Variants in KAZN observed in about 807,000 individuals in gnomAD.
KAZN encodes the protein kazrin.
Under a neutral mutation model 87.4 loss-of-function variants are expected in KAZN, and 40 were observed. The ratio of observed to expected loss-of-function variants is 0.46; its 90% confidence interval spans 0.36 to 0.60. The LOEUF (loss-of-function observed/expected upper bound fraction) is 0.60, where lower values mean the gene tolerates loss of function less well. Ranked by LOEUF, KAZN falls within the 20% of genes least tolerant of loss-of-function variation. The pLI is 0.00. For synonymous variants in KAZN, 466 were observed against 458.3 expected (o/e 1.02, Z -0.22); for missense variants, 898 against 1,073.9 (o/e 0.84, Z 2.29).
chr1:15,088,001 G>A lies in KAZN; in HGVS notation c.1223-6179G>A, dbSNP rs188123798. On this transcript the variant is annotated intron_variant, in intron 8 of 14. Transcript: ENST00000376030. The stretch of plus-strand genomic sequence containing the variant: ...TGAGATCTTTTGGTTGATAAGCCAC[G>A]GAGCTGGGATTCAAACCCAGGGCTC... Among the ~76,000 whole-genome samples the A allele has an allele frequency of 2.8e-3, 421 of 152,328 alleles. 6 individuals carry two copies. The highest frequency in any genetic ancestry group is 3.2e-3 in the Non-Finnish European group (220 of 68,038).
intron 1 of KAZN, among the ~76,000 whole-genome samples, chr1:14,169,726 T>C (rs1001952474): frequency 6.6e-6 from 1 of 152,180 alleles, no homozygotes; most frequent in Admixed American, 6.5e-5. Flanking sequence ...TAGCTGGGTG[T>C]CATCACTGAG....
At chr1:14,677,838 G>A (rs1640324292) in intron 1 of KAZN, among the ~76,000 whole-genome samples, 1 of 152,214 alleles carries the variant, frequency 6.6e-6, no homozygotes, top group Non-Finnish European at 1.5e-5. Context: ...AACTGTCAAT[G>A]GGGTATGCAG....
intron 2 of KAZN, among the ~76,000 whole-genome samples, chr1:14,186,698 T>C (rs1348577643): frequency 1.3e-5 from 2 of 152,102 alleles, no homozygotes; most frequent in African/African-American, 4.8e-5. Flanking sequence ...TGCAGACTGG[T>C]ATTATTACCA....
At chr1:14,904,950 A>G (rs747316137) in intron 1 of KAZN, among the ~76,000 whole-genome samples, 2 of 152,094 alleles carry the variant, frequency 1.3e-5, no homozygotes, top group Non-Finnish European at 2.9e-5. Flanking sequence ...TTTAGTAGAG[A>G]TGGGGTTTCA....
At chr1:14,050,208 G>T (rs1444186672) in intron 1 of KAZN, among the ~76,000 whole-genome samples, 8 of 151,934 alleles carry the variant, frequency 5.3e-5, no homozygotes, top group African/African-American at 1.9e-4. Context: ...GTGCACATGT[G>T]TGGGCATGCA....
At chr1:14,186,023 G>A (rs978461877) in intron 2 of KAZN, among the ~76,000 whole-genome samples, 3 of 152,156 alleles carry the variant, frequency 2.0e-5, no homozygotes, top group Non-Finnish European at 4.4e-5. Context: ...CCTCTTACTT[G>A]GGGTGAGTGA....
At chr1:14,753,612 A>C (rs1302850532) in intron 1 of KAZN, among the ~76,000 whole-genome samples, 2 of 152,218 alleles carry the variant, frequency 1.3e-5, no homozygotes, top group African/African-American at 4.8e-5. Context: ...AATAAAACAC[A>C]GGAGAAAAAT....
intron 2 of KAZN, among the ~76,000 whole-genome samples, chr1:14,296,349 G>T (rs1487612667): frequency 6.6e-6 from 1 of 152,118 alleles, no homozygotes; most frequent in Non-Finnish European, 1.5e-5. Context: ...AAGAGATTAG[G>T]CTTCTGCATC....
chr1:15,049,093 G>A lies in KAZN; in HGVS notation c.726+4934G>A, dbSNP rs189954162. ...GCGATCCTGTACTCCATGGGGTGAC[G>A]GCTTTGCCGGGAGGCTTTTGACGGG... On this transcript the variant is annotated intron_variant, in intron 4 of 14. Transcript: ENST00000376030. Among the ~76,000 whole-genome samples the A allele has an allele frequency of 3.4e-3, 433 of 128,596 alleles. 3 individuals carry two copies. In the East Asian group the frequency reaches 0.077, roughly 23 times the overall value. 84.4% of individuals were successfully genotyped at this position (128,596 alleles called of 152,430 possible).
upstream of KAZN, among the ~76,000 whole-genome samples, chr1:14,597,593 T>C (rs1386177383): frequency 6.6e-6 from 1 of 152,184 alleles, no homozygotes; most frequent in Non-Finnish European, 1.5e-5. Flanking sequence ...CAGTTTTTGC[T>C]TGGTTCTTAT....
chr1:14,131,699 A>C (rs1644995748), intron 1 of KAZN, among the ~76,000 whole-genome samples: 1 of 152,082 alleles, frequency 6.6e-6, no homozygotes, highest in Non-Finnish European at 1.5e-5. Flanking sequence ...ATTGAGCTAA[A>C]AGAGGAATTT....
chr1:15,069,957 A>G (rs775409259), intron 8 of KAZN, among the ~76,000 whole-genome samples: 28 of 152,376 alleles, frequency 1.8e-4, no homozygotes, highest in Admixed American at 7.8e-4. Flanking sequence ...ACCACAGGCC[A>G]GGGTCCATGC....
intron 2 of KAZN, among the ~76,000 whole-genome samples, chr1:14,198,935 G>A (rs1646583531): frequency 6.6e-6 from 1 of 152,130 alleles, no homozygotes; most frequent in African/African-American, 2.4e-5. Context: ...TCTGGCTTCA[G>A]AGCCCAGGCT....
intron 1 of KAZN, among the ~76,000 whole-genome samples, chr1:14,019,238 G>A (rs1570540769): frequency 6.6e-6 from 1 of 152,056 alleles, no homozygotes; most frequent in African/African-American, 2.4e-5. Flanking sequence ...TTTATTAACT[G>A]CCATGTTCCT....
At chr1:14,901,797 A>G (rs1309470754) in intron 1 of KAZN, among the ~76,000 whole-genome samples, 1 of 152,198 alleles carries the variant, frequency 6.6e-6, no homozygotes, top group African/African-American at 2.4e-5. Context: ...CTGCCCCCAC[A>G]GCTGCCTCTC....
At chr1:14,879,871 T>G (rs1318585566) in intron 1 of KAZN, among the ~76,000 whole-genome samples, 2 of 152,138 alleles carry the variant, frequency 1.3e-5, no homozygotes, top group Non-Finnish European at 2.9e-5. Context: ...TTAAGTACAT[T>G]TTGTGCATTA....
At position 15,066,666 on chromosome 1, in the gene KAZN, A is replaced by C; in HGVS notation, c.1222+913A>C. On this transcript the variant is annotated intron_variant, in intron 8 of 14. Transcript: ENST00000376030. This position sits in a 1 kb window ranked among gnomAD's most constrained non-coding sequence, Gnocchi z 4.3. ...TAAATATTGGAATGTCTATTTTTCC[A>C]TGGGGTGGGCGGGAGGTGGGTGTCT... 1.3e-6 allele frequency: 1 copy of C among 771,262 alleles called. No individual in the cohort carries two copies. The highest frequency in any genetic ancestry group is 1.6e-6 in the Non-Finnish European group (1 of 633,886). The allele number at this position is 771,262 out of a possible 1,614,324, so 47.8% of individuals were successfully genotyped here. A position where few individuals can be genotyped will look rare whatever the true frequency, so the allele number is the denominator to read the frequency against.
rs558240539 is a variant in KAZN, at chr1:14,499,862, T to C, written c.250-99121T>C. ...AGCTTAGCGGTGTGCTCACATCTCCTGGGAATGTTCTGCCCCTGGCCGAGC... is the reference window on the plus strand; with the variant it reads ...AGCTTAGCGGTGTGCTCACATCTCCCGGGAATGTTCTGCCCCTGGCCGAGC... On this transcript the variant is annotated intron_variant, in intron 2 of 16. Transcript: ENST00000636203. Among the ~76,000 whole-genome samples the C allele has an allele frequency of 6.6e-5, 10 of 152,300 alleles. No individual in the cohort carries two copies. In the South Asian group the frequency reaches 1.0e-3, roughly 16 times the overall value.
chr1:14,510,207 T>C (rs1037536099), intron 2 of KAZN, among the ~76,000 whole-genome samples: 7 of 152,060 alleles, frequency 4.6e-5, no homozygotes, highest in Non-Finnish European at 1.0e-4. Flanking sequence ...GGAGAAACTC[T>C]GTCTCTACTA....
Sources: gnomAD v4.1 joint callset for allele counts (sites outside exome capture counted in the v4.1 genomes callset) on GRCh38, gnomAD v4.1.1 for gene constraint, Gnocchi (gnomAD v3.1) non-coding constraint, MANE v1.5 for transcripts, NCBI Gene and HGNC (gene_info 2026-07-23, HGNC 2026-07-21) for gene names.